F5: variants seen among roughly 807,000 people sequenced by gnomAD.
The protein encoded by F5 is coagulation factor V, also known as activated protein c cofactor.
A neutral mutation model predicts 216.4 loss-of-function variants in F5; 138 were observed. That is an observed-to-expected ratio of 0.64 (90% confidence interval 0.56 to 0.73). The LOEUF (loss-of-function observed/expected upper bound fraction) is 0.73. Among genes scored for constraint, F5 ranks in the 30% least tolerant of loss-of-function variants. The pLI is 0.00. For missense variants in F5, 2,403 were observed against 2,674.0 expected, an observed-to-expected ratio of 0.90 and a Z score of 2.24; for synonymous variants, 916 against 930.7, an observed-to-expected ratio of 0.98 and a Z score of 0.29.
chr1:169,578,730 T>C (rs951321765), intron 2 of F5, among the ~76,000 whole-genome samples: 1 of 152,182 alleles, frequency 6.6e-6, no homozygotes, highest in African/African-American at 2.4e-5. Context: ...CTCTGTGATA[T>C]AGGACAGGAC....
Position 169,540,303 on chromosome 1 carries a change from A to C in F5, c.4787T>G (p.Phe1596Cys). 2 of 1,613,830 alleles carry C rather than the reference A, an allele frequency of 1.2e-6. No individual in the cohort carries two copies. Among genetic ancestry groups the C allele is most frequent in the South Asian group, 2.2e-5 (2 of 91,076 alleles). ...AEEISWDYSE[F>C]VQRETDIEDS... ...AGAAAACTGGCCAAACCTTTGTACA[A>C]ATTCTGAATAATCCCAGGATATTTC... Residue 1596 changes from phenylalanine to cysteine, a missense_variant, in exon 13 of 25, where the codon TTT (phenylalanine) becomes TGT (cysteine). Physicochemically the swap from Phe to Cys is radical, Grantham distance 205. Transcript: ENST00000367797.
rs1659442832 is a variant in F5 at position 169,526,073 on chromosome 1, T to A, written c.5600-56A>T. On this transcript the variant is annotated intron_variant, in intron 17 of 24. Coordinates refer to ENST00000367797, the MANE Select transcript of F5 (RefSeq NM_000130.5). ...AAAAATTAACAAGTAAATATTGTGG[T>A]TGATAGTTCTCTAAGAATCCTAAAA... 4.2e-6 allele frequency: 5 copies of A among 1,178,168 alleles called. No individual in the cohort carries two copies. The Admixed American group carries it at 8.5e-5, about 20-fold the overall frequency. 73.0% of individuals were successfully genotyped at this position (1,178,168 alleles called of 1,614,324 possible).
At position 169,530,842 on chromosome 1, in the gene F5, G is replaced by C; in HGVS notation, c.5152C>G (p.Pro1718Ala). ...CGACAGGCAGAGCCAGGACTTTCTGGCCCTGATCGCTCAGTGGCATGCCAT... is the reference window on the plus strand; with the variant it reads ...CGACAGGCAGAGCCAGGACTTTCTGCCCCTGATCGCTCAGTGGCATGCCAT... ...YVWHATERSGPESPGSACRAW... is the reference protein window; with the variant it reads ...YVWHATERSGAESPGSACRAW... Residue 1718 changes from proline (P) to alanine (A), a missense_variant, in exon 15 of 25, where the codon CCA becomes GCA. Physicochemically the swap from Pro to Ala is conservative, Grantham distance 27. Transcript: ENST00000367797. 1 of 1,613,908 alleles carries C rather than the reference G, an allele frequency of 6.2e-7. No homozygotes were observed. The highest frequency in any genetic ancestry group is 8.5e-7 in the Non-Finnish European group (1 of 1,179,844).
intron 13 of F5, among the ~76,000 whole-genome samples, chr1:169,539,792 C>A (rs1659789622): frequency 6.6e-6 from 1 of 152,138 alleles, no homozygotes; most frequent in Non-Finnish European, 1.5e-5. Context: ...GAACAAAGAG[C>A]CCAGTTCAAC....
chr1:169,556,595 G>T (rs768770082), intron 6 of F5, 51 bp downstream of exon 6: 40 of 1,575,428 alleles, frequency 2.5e-5, no homozygotes, highest in South Asian at 8.9e-5. Flanking sequence ...TTAGTGCATG[G>T]GAAGAAAGGA....
At chr1:169,530,419 T>A (rs1446910618) in intron 15 of F5, among the ~76,000 whole-genome samples, 1 of 152,206 alleles carries the variant, frequency 6.6e-6, no homozygotes, top group Non-Finnish European at 1.5e-5. Flanking sequence ...CATTGCAGAA[T>A]GTCAGATAAA....
Position 169,540,462 on chromosome 1 carries a change from T to A in F5, c.4628A>T (p.Tyr1543Phe), listed in dbSNP as rs1453530648. 3.7e-6 allele frequency: 6 copies of A among 1,613,904 alleles called. No individual in the cohort carries two copies. The Admixed American group carries it at 8.3e-5, about 22-fold the overall frequency. Residue 1543 changes from tyrosine to phenylalanine, a missense_variant, in exon 13 of 25, where the codon TAT becomes TTT. By Grantham distance (22) the Tyr-to-Phe change is conservative (BLOSUM62 3). Coordinates refer to ENST00000367797, the MANE Select transcript of F5 (RefSeq NM_000130.5). ...SSEDDYAEID[Y>F]VPYDDPYKTD... is the part of the protein sequence containing the mutation. ...TTTGTAGGGGTCATCATAGGGCACA[T>A]AATCAATTTCAGCATAGTCATCTTC...
chr1:169,560,719 C>T lies in F5; in HGVS notation c.421G>A (p.Ala141Thr), dbSNP rs753653415. 1.9e-5 allele frequency: 31 copies of T among 1,613,180 alleles called. No homozygotes were observed. Among genetic ancestry groups the T allele is most frequent in the South Asian group, 1.1e-4 (10 of 91,054 alleles). ...HTFPAEKMDD[A>T]VAPGREYTYE... ...GTGTATTCTCGGCCTGGAGCCACAG[C>T]GTCGTCCATCTTCTCCGCAGGGAAT... Residue 141 changes from alanine (A) to threonine (T), a missense_variant, in exon 4 of 25, where the codon GCT becomes ACT. Physicochemically the swap from Ala to Thr is moderately conservative, Grantham distance 58. Around this residue, in one of 4 missense-constraint regions of F5, gnomAD observed 1,425 missense variants for 1,554.8 expected, o/e 0.92. Coordinates refer to ENST00000367797, the MANE Select transcript of F5 (RefSeq NM_000130.5).
Position 169,541,661 on chromosome 1 carries a change from G to A in F5, c.3429C>T (p.Asp1143=). 2 of 1,614,152 alleles carry A rather than the reference G, an allele frequency of 1.2e-6. No individual in the cohort carries two copies. Among genetic ancestry groups the A allele is most frequent in the Non-Finnish European group, 8.5e-7 (1 of 1,180,010 alleles). The change falls in exon 13 of 25, where the codon GAC becomes GAT. Residue 1143 remains aspartate, a synonymous_variant. Coordinates refer to ENST00000367797, the MANE Select transcript of F5 (RefSeq NM_000130.5). ...CTGGAGAAGAGGATCTGTGACTGGG[G>A]TCTGAAGTAGAGTGCATTTGATCAG... ...QDPDQMHSTS[D]PSHRSSSPEL... is the part of the protein sequence containing the mutation.
At chr1:169,568,024 C>T (rs1336961747) in intron 3 of F5, among the ~76,000 whole-genome samples, 1 of 152,030 alleles carries the variant, frequency 6.6e-6, no homozygotes, top group Non-Finnish European at 1.5e-5. Context: ...TGTTTCACAC[C>T]TAGATTTATT....
At chr1:169,569,732 A>G (rs544085828) in intron 3 of F5, among the ~76,000 whole-genome samples, 1 of 152,192 alleles carries the variant, frequency 6.6e-6, no homozygotes, top group South Asian at 2.1e-4. Context: ...TTCTGTCAAA[A>G]AGGGTTATCC....
chr1:169,577,140 G>A (rs1660870058), intron 2 of F5, among the ~76,000 whole-genome samples: 1 of 152,038 alleles, frequency 6.6e-6, no homozygotes, highest in South Asian at 2.1e-4. Flanking sequence ...GAAAGGAGTG[G>A]CCTACTTCAG....
At chr1:169,568,946 A>G (rs1308398517) in intron 3 of F5, among the ~76,000 whole-genome samples, 1 of 152,104 alleles carries the variant, frequency 6.6e-6, no homozygotes, top group African/African-American at 2.4e-5. Context: ...GCTTCACTAC[A>G]TTCAAAGATT....
At chr1:169,556,425 T>TAAAAAAAA (rs61568675) in intron 6 of F5, among the ~76,000 whole-genome samples, 1,087 of 58,882 alleles carry the variant, frequency 0.018, 105 homozygotes, top group Non-Finnish European at 0.022. Flanking sequence ...TTTGCTTAAT[T>TAAAAAAAA]AAAAAAAAAA....
At chr1:169,559,404 A>T in intron 4 of F5, 108 bp from the exon 5 acceptor site, 1 of 1,117,006 alleles carries the variant, frequency 9.0e-7, no homozygotes, top group Non-Finnish European at 1.3e-6. Flanking sequence ...AATGATTTCA[A>T]CTTGAAGAAA....
chr1:169,518,387 A>G (rs1659208680), intron 23 of F5, 25 bp downstream of exon 23: 1 of 1,613,338 alleles, frequency 6.2e-7, no homozygotes, highest in Non-Finnish European at 8.5e-7. Context: ...CCCTAAGAGA[A>G]CACCATGCAT....
At chr1:169,580,957 T>C (rs1436223407) in intron 2 of F5, among the ~76,000 whole-genome samples, 2 of 152,126 alleles carry the variant, frequency 1.3e-5, no homozygotes, top group African/African-American at 2.4e-5. Flanking sequence ...CTTTAGAAGG[T>C]AGGGATTAAT....
intron 19 of F5, among the ~76,000 whole-genome samples, chr1:169,524,346 C>A (rs1247728366): frequency 1.3e-5 from 2 of 152,138 alleles, no homozygotes; most frequent in East Asian, 3.9e-4. Context: ...TGAATGGTTG[C>A]CACAGGCAAA....
At chr1:169,583,059 T>A (rs145998084) in intron 1 of F5, among the ~76,000 whole-genome samples, 1 of 152,322 alleles carries the variant, frequency 6.6e-6, no homozygotes, top group East Asian at 1.9e-4. Flanking sequence ...AAAGAGTCAG[T>A]AACTTGTCCA....
Sources: gnomAD v4.1 joint callset for allele counts (sites outside exome capture counted in the v4.1 genomes callset) on GRCh38, gnomAD v4.1.1 for gene constraint, gnomAD v4.1.1 regional missense constraint, MANE v1.5 for transcripts, NCBI Gene and HGNC (gene_info 2026-07-23, HGNC 2026-07-21) for gene names.